NME3: variants seen among roughly 807,000 people sequenced by gnomAD.
NME3 encodes the protein NME/NM23 nucleoside diphosphate kinase 3, also known as nucleoside diphosphate kinase C.
A neutral mutation model predicts 15.8 loss-of-function variants in NME3; 23 were observed. The observed-to-expected ratio is 1.45, with a 90% CI of 1.05 to 2.06. The LOEUF is 2.06. Among genes scored for constraint, NME3 ranks in the 30% most tolerant of loss-of-function variants. The pLI, the probability that NME3 is intolerant of heterozygous loss-of-function variation, is 0.00. For synonymous variants in NME3, 157 were observed against 104.4 expected (o/e 1.50, Z -3.07); for missense variants, 354 against 243.2 (o/e 1.46, Z -3.03).
At position 1,770,660 on chromosome 16, in the gene NME3, G is replaced by T. The variant is rs756127146; in HGVS notation, c.499C>A (p.Leu167Met). ...GCGCATCTGCCGGGCTACTCATACA[G>T]CCAGTGCCCAGCGCTGTCCTCCCAG... Reference protein sequence around the residue: ...LCWEDSAGHWLYE With the variant: ...LCWEDSAGHWMYE The change falls in exon 5 of 5, where the codon CTG becomes ATG. Residue 167 changes from leucine (L) to methionine (M), a missense_variant. Coordinates refer to ENST00000219302, the MANE Select transcript of NME3 (RefSeq NM_002513.3). 1.9e-6 allele frequency: 3 copies of T among 1,581,204 alleles called. No individual in the cohort carries two copies. The highest frequency in any genetic ancestry group is 2.6e-6 in the Non-Finnish European group (3 of 1,163,688).
intron 4 of NME3, 56 bp downstream of exon 4, chr16:1,770,825 A>C: frequency 6.3e-7 from 1 of 1,576,840 alleles, no homozygotes; most frequent in Non-Finnish European, 8.6e-7. Flanking sequence ...GGTACCACGC[A>C]GGCTGAACAG....
Position 1,771,330 on chromosome 16 carries a change from G to A in NME3, c.127C>T (p.Arg43Trp), listed in dbSNP as rs201012343. The change falls in exon 2 of 5, where the codon CGG (arginine) becomes TGG (tryptophan). Residue 43 changes from arginine (R) to tryptophan (W), a missense_variant. Coordinates refer to ENST00000219302, the MANE Select transcript of NME3 (RefSeq NM_002513.3). ...TTGAAGCCCTTCCTCTCGAAGCGCC[G>A]CACAATCTCGCCCACCAGCCGCCGC... ...VQRRLVGEIV[R>W]RFERKGFKLV... 5.5e-4 allele frequency: 880 copies of A among 1,600,802 alleles called. 6 individuals are homozygous for A. The African/African-American group carries it at 0.011, about 20-fold the overall frequency.
In NME3 at chr16:1,770,605, A is replaced by G; in HGVS notation, c.*44T>C. The G allele has an allele frequency of 6.8e-7, 1 of 1,465,186 alleles. No homozygotes were observed. The highest frequency in any genetic ancestry group is 9.2e-7 in the Non-Finnish European group (1 of 1,081,376). The allele number at this position is 1,465,186 out of a possible 1,614,324, so 90.8% of individuals were successfully genotyped here. On this transcript the variant is annotated 3_prime_UTR_variant, in exon 5 of 5. Transcript: ENST00000219302. ...AGAAGCCCGCCCACCTGGGCCCTGG[A>G]GGAGGCTGGAGTGTGAGAGCCTCTG... is the stretch of plus-strand genomic sequence containing the variant.
Position 1,770,562 on chromosome 16 carries a change from G to A in NME3, c.*87C>T. 2 of 1,010,856 alleles carry A rather than the reference G, an allele frequency of 2.0e-6. No homozygotes were observed. The highest frequency in any genetic ancestry group is 1.6e-5 in the South Asian group (1 of 62,354). The allele number at this position is 1,010,856 out of a possible 1,614,324, so 62.6% of individuals were successfully genotyped here. A position where few individuals can be genotyped will look rare whatever the true frequency, so the allele number is the denominator to read the frequency against. On this transcript the variant is annotated 3_prime_UTR_variant, in exon 5 of 5. Transcript: ENST00000219302. ...CAGCCCGTCCAAAGGGATGCTCCAAGCGCTGTGGGGTGGGGCCAGAAGCCC... is the reference window on the plus strand; with the variant it reads ...CAGCCCGTCCAAAGGGATGCTCCAAACGCTGTGGGGTGGGGCCAGAAGCCC...
In NME3 at chr16:1,770,437, A is replaced by AGGCTCCTGGAGC. The variant is rs1303161836; in HGVS notation, c.*200_*211dup. 5.3e-5 allele frequency: 24 copies of AGGCTCCTGGAGC among 451,526 alleles called. No individual in the cohort carries two copies. The highest frequency in any genetic ancestry group is 2.3e-4 in the Admixed American group (6 of 25,646). 28.0% of individuals were successfully genotyped at this position (451,526 alleles called of 1,614,324 possible). A position where few individuals can be genotyped will look rare whatever the true frequency, so the allele number is the denominator to read the frequency against. On this transcript the variant is annotated 3_prime_UTR_variant, in exon 5 of 5. Coordinates refer to ENST00000219302, the MANE Select transcript of NME3 (RefSeq NM_002513.3). ...TGGCACGTTTCCAGGCGAGCCGCGC[A>AGGCTCCTGGAGC]GGCTCCTGGAGCAGCTCCTCGGGCA...
chr16:1,771,321 C>G lies in NME3; in HGVS notation c.136G>C (p.Glu46Gln), dbSNP rs752496883. 1.2e-5 allele frequency: 19 copies of G among 1,604,444 alleles called. No individual in the cohort carries two copies. The South Asian group carries it at 2.0e-4, about 17-fold the overall frequency. The change falls in exon 2 of 5, where the codon GAG (glutamate) becomes CAG (glutamine). Residue 46 changes from glutamate (E) to glutamine (Q), a missense_variant. By Grantham distance (29) the Glu-to-Gln change is conservative. Coordinates refer to ENST00000219302, the MANE Select transcript of NME3 (RefSeq NM_002513.3). ...GCCACCAACTTGAAGCCCTTCCTCT[C>G]GAAGCGCCGCACAATCTCGCCCACC... ...RLVGEIVRRF[E>Q]RKGFKLVALK... is the part of the protein sequence containing the mutation.
Position 1,770,773 on chromosome 16 carries a change from G to A in NME3, c.393-7C>T, listed in dbSNP as rs772635733. On this transcript the variant is annotated splice_region_variant and splice_polypyrimidine_tract_variant and intron_variant, in intron 4 of 4. Transcript: ENST00000219302. ...GCTGCCGTGAATCAGGTTCCTGCGC[G>A]GAAGAGGCGCGTGTGAGCGTGGGAA... The A allele has an allele frequency of 6.2e-6, 10 of 1,600,336 alleles. No homozygotes were observed. Among genetic ancestry groups the A allele is most frequent in the South Asian group, 5.5e-5 (5 of 90,144 alleles).
intron 2 of NME3, 33 bp from the exon 3 acceptor site, chr16:1,771,204 C>T (rs1312926644): frequency 5.1e-6 from 8 of 1,578,576 alleles, no homozygotes; most frequent in Middle Eastern, 1.9e-4. Flanking sequence ...GCGCCCGCAC[C>T]CGGCACCTAG....
chr16:1,770,653 TCATA>T lies in NME3; in HGVS notation c.502_505del (p.Tyr168SerfsTer97), dbSNP rs1401935008. 1 of 1,575,542 alleles carries T rather than the reference TCATA, an allele frequency of 6.3e-7. No individual in the cohort carries two copies. The highest frequency in any genetic ancestry group is 1.1e-5 in the South Asian group (1 of 87,366). Reference sequence around the variant, plus strand: ...CTGTGACGCGCATCTGCCGGGCTACTCATACAGCCAGTGCCCAGCGCTGTCCTCC... The same window carrying T: ...CTGTGACGCGCATCTGCCGGGCTACTCAGCCAGTGCCCAGCGCTGTCCTCC... On this transcript the variant is annotated frameshift_variant, in exon 5 of 5. Coordinates refer to ENST00000219302, the MANE Select transcript of NME3 (RefSeq NM_002513.3). LOFTEE classifies it high-confidence loss of function.
At chr16:1,770,854 TG>T in intron 4 of NME3, 26 bp downstream of exon 4, 1 of 1,568,834 alleles carries the variant, frequency 6.4e-7, no homozygotes, top group Non-Finnish European at 8.7e-7. Flanking sequence ...CGGACGGGGC[TG>T]GGACCGTCCC....
rs1031565050 is a variant in NME3 at position 1,770,526 on chromosome 16, T to C, written c.*123A>G. The C allele has an allele frequency of 8.5e-6, 6 of 705,978 alleles. No individual in the cohort carries two copies. The highest frequency in any genetic ancestry group is 1.4e-5 in the Non-Finnish European group (6 of 442,020). The allele number at this position is 705,978 out of a possible 1,614,324, so 43.7% of individuals were successfully genotyped here. A position where few individuals can be genotyped will look rare whatever the true frequency, so the allele number is the denominator to read the frequency against. On this transcript the variant is annotated 3_prime_UTR_variant, in exon 5 of 5. Coordinates refer to ENST00000219302, the MANE Select transcript of NME3 (RefSeq NM_002513.3). The stretch of plus-strand genomic sequence containing the variant: ...ACCCTCCATGCAACGTCCAGACAGG[T>C]GGATGTTCAGCAGCCCGTCCAAAGG...
rs1307466739 is a variant in NME3, at chr16:1,770,695, T to C, written c.464A>G (p.Glu155Gly). The change falls in exon 5 of 5, where the codon GAG becomes GGG. Residue 155 changes from glutamate to glycine, a missense_variant. By Grantham distance (98) the Glu-to-Gly change is moderately conservative. Transcript: ENST00000219302. ...REIALWFRAD[E>G]LLCWEDSAGH... ...AGCGCTGTCCTCCCAGCAGAGGAGC[T>C]CGTCTGCGCGGAACCAGAGAGCGAT... The C allele has an allele frequency of 1.9e-6, 3 of 1,585,706 alleles. No individual in the cohort carries two copies. The highest frequency in any genetic ancestry group is 2.6e-6 in the Non-Finnish European group (3 of 1,166,910).
rs1414630626 is a variant in NME3 at position 1,770,404 on chromosome 16, CAG to C, written c.*243_*244del. The C allele has an allele frequency of 4.6e-6, 2 of 431,994 alleles. No homozygotes were observed. The highest frequency in any genetic ancestry group is 3.5e-5 in the East Asian group (1 of 28,806). 26.8% of individuals were successfully genotyped at this position (431,994 alleles called of 1,614,324 possible). A position where few individuals can be genotyped will look rare whatever the true frequency, so the allele number is the denominator to read the frequency against. ...GACCACGTTGGGCTGGGCACCAGGA[CAG>C]TGTCCTGGCACGTTTCCAGGCGAGC... is the stretch of plus-strand genomic sequence containing the variant. On this transcript the variant is annotated 3_prime_UTR_variant, in exon 5 of 5. Coordinates refer to ENST00000219302, the MANE Select transcript of NME3 (RefSeq NM_002513.3).
rs1401796779 is a variant in NME3 at position 1,771,425 on chromosome 16, G to A, written c.47-15C>T. 4 of 1,521,914 alleles carry A rather than the reference G, an allele frequency of 2.6e-6. No individual in the cohort carries two copies. The highest frequency in any genetic ancestry group is 3.5e-6 in the Non-Finnish European group (4 of 1,137,564). 94.3% of individuals were successfully genotyped at this position (1,521,914 alleles called of 1,614,324 possible). ...GCCGGTGCAGGCTGCGGGGCAGGCG[G>A]GGACGGGCCGTCAGGCCGGCCCAGC... On this transcript the variant is annotated splice_polypyrimidine_tract_variant and intron_variant, in intron 1 of 4. Transcript: ENST00000219302.
In NME3 at chr16:1,771,349, C is replaced by T; in HGVS notation, c.108G>A (p.Arg36=). ...AGCGCCGCACAATCTCGCCCACCAG[C>T]CGCCGCTGCACGCCGTCCGGCTTCA... The part of the protein sequence containing the change: ...LAVKPDGVQR[R]LVGEIVRRFE... The change falls in exon 2 of 5, where the codon CGG becomes CGA. Residue 36 remains arginine, a synonymous_variant. Coordinates refer to ENST00000219302, the MANE Select transcript of NME3 (RefSeq NM_002513.3). 6.3e-7 allele frequency: 1 copy of T among 1,593,560 alleles called. No homozygotes were observed. The highest frequency in any genetic ancestry group is 8.5e-7 in the Non-Finnish European group (1 of 1,171,564).
At position 1,770,849 on chromosome 16, in the gene NME3, G is replaced by A. The variant is rs371351223; in HGVS notation, c.392+32C>T. ...CAGGCTGAACAGGGGGAGGCCGGACGGGGCTGGGACCGTCCCCGGGGCGGG... is the reference window on the plus strand; with the variant it reads ...CAGGCTGAACAGGGGGAGGCCGGACAGGGCTGGGACCGTCCCCGGGGCGGG... On this transcript the variant is annotated intron_variant, in intron 4 of 4. Transcript: ENST00000219302. 8.6e-4 allele frequency: 1,350 copies of A among 1,569,940 alleles called. 5 individuals are homozygous for A. Among genetic ancestry groups the A allele is most frequent in the Non-Finnish European group, 1.1e-3 (1,257 of 1,153,286 alleles).
In NME3 at chr16:1,770,892, G is replaced by A. The variant is rs2042578104; in HGVS notation, c.381C>T (p.Ile127=). The change falls in exon 4 of 5, where the codon ATC becomes ATT. Residue 127 remains isoleucine (I), a synonymous_variant. Transcript: ENST00000219302. ...PPGTIRGDFC[I]EVGKNLIHGS... ...GGGGCGGGCCTTACTTGCCAACCTC[G>A]ATGCAGAAATCCCCGCGGATGGTGC... 1.9e-6 allele frequency: 3 copies of A among 1,578,504 alleles called. 1 individual carries two copies. Among genetic ancestry groups the A allele is most frequent in the Non-Finnish European group, 8.6e-7 (1 of 1,158,266 alleles).
rs1169661660 is a variant in NME3, at chr16:1,771,343, C to A, written c.114G>T (p.Val38=). 3.1e-6 allele frequency: 5 copies of A among 1,595,340 alleles called. No homozygotes were observed. The African/African-American group carries it at 5.4e-5, about 17-fold the overall frequency. Residue 38 remains valine, a synonymous_variant, in exon 2 of 5, where the codon GTG becomes GTT. Transcript: ENST00000219302. ...TCTCGAAGCGCCGCACAATCTCGCC[C>A]ACCAGCCGCCGCTGCACGCCGTCCG... is the stretch of plus-strand genomic sequence containing the variant. ...VKPDGVQRRL[V]GEIVRRFERK... is the part of the protein sequence containing the mutation.
chr16:1,771,177 G>A lies in NME3; in HGVS notation c.178-6C>T, dbSNP rs752984206. On this transcript the variant is annotated splice_polypyrimidine_tract_variant and splice_region_variant and intron_variant, in intron 2 of 4. Coordinates refer to ENST00000219302, the MANE Select transcript of NME3 (RefSeq NM_002513.3). ...CGCAGCAGCTCCTCGGAGGCCTGCG[G>A]AAGGGTCAGGCCGCCTGCGCCCGCA... The A allele has an allele frequency of 1.9e-6, 3 of 1,595,526 alleles. No homozygotes were observed. The highest frequency in any genetic ancestry group is 2.3e-5 in the East Asian group (1 of 44,178).
Sources: allele counts gnomAD v4.1 joint callset, GRCh38; gene constraint gnomAD v4.1.1; transcripts MANE v1.5; gene names NCBI Gene and HGNC (gene_info 2026-07-23, HGNC 2026-07-21).